ST8SIA6: variants seen among roughly 807,000 people sequenced by gnomAD.
ST8SIA6 encodes the protein alpha-2,8-sialyltransferase 8F.
In ST8SIA6, 39 loss-of-function variants were observed where a neutral mutation model predicts 33.6. The observed-to-expected ratio is 1.16, with a 90% CI of 0.90 to 1.52. The LOEUF (loss-of-function observed/expected upper bound fraction) is 1.52. Ranked by LOEUF, ST8SIA6 falls within the 40% of genes most tolerant of loss-of-function variation. The probability of loss-of-function intolerance (pLI) is 0.00; values close to 1 mark genes in which losing one functional copy is unlikely to be tolerated. For synonymous variants in ST8SIA6, 172 were observed against 167.2 expected (o/e 1.03, Z -0.22); for missense variants, 441 against 443.8 (o/e 0.99, Z 0.06).
intron 2 of ST8SIA6, among the ~76,000 whole-genome samples, chr10:17,435,512 T>C (rs1001678500): frequency 6.6e-6 from 1 of 152,264 alleles, no homozygotes; most frequent in East Asian, 1.9e-4. Context: ...AATAACATTG[T>C]GGTGAGAATT....
chr10:17,408,940 CT>C (rs112533742), intron 2 of ST8SIA6, among the ~76,000 whole-genome samples: 4,441 of 138,220 alleles, frequency 0.032, 58 homozygotes, highest in South Asian at 0.061. Flanking sequence ...TTCTTTCTTT[CT>C]TTTTTTTTTT....
intron 4 of ST8SIA6, among the ~76,000 whole-genome samples, chr10:17,343,725 GA>G (rs1284499794): frequency 6.6e-6 from 1 of 152,156 alleles, no homozygotes; most frequent in African/African-American, 2.4e-5. Context: ...TAGACAGATA[GA>G]AATGCAAACA....
At chr10:17,355,835 C>A (rs1256952263) in intron 4 of ST8SIA6, among the ~76,000 whole-genome samples, 1 of 152,160 alleles carries the variant, frequency 6.6e-6, no homozygotes, top group East Asian at 1.9e-4. Context: ...CTTTATCTTG[C>A]GTACCTAATA....
At chr10:17,435,711 T>A (rs866330621) in intron 2 of ST8SIA6, among the ~76,000 whole-genome samples, 2 of 35,446 alleles carry the variant, frequency 5.6e-5, no homozygotes, top group Non-Finnish European at 1.1e-4. Flanking sequence ...AAATGGGGGG[T>A]TGGGGGGGTG....
At position 17,315,601 on chromosome 10, in the gene ST8SIA6, A is replaced by C. The variant is rs1264144682; in HGVS notation, c.*5277T>G. Among the ~76,000 whole-genome samples the C allele has an allele frequency of 6.6e-6, 1 of 152,076 alleles. No individual in the cohort carries two copies. Among genetic ancestry groups the C allele is most frequent in the Non-Finnish European group, 1.5e-5 (1 of 67,916 alleles). On this transcript the variant is annotated 3_prime_UTR_variant, in exon 8 of 8. Coordinates refer to ENST00000377602, the MANE Select transcript of ST8SIA6 (RefSeq NM_001004470.3). ...AATGAGTTTTAATATTATTATGTCGAGCAAAAGTGCAAGACAAGAAATGAG... is the reference window on the plus strand; with the variant it reads ...AATGAGTTTTAATATTATTATGTCGCGCAAAAGTGCAAGACAAGAAATGAG...
intron 4 of ST8SIA6, among the ~76,000 whole-genome samples, chr10:17,351,844 A>C (rs1260688442): frequency 6.6e-6 from 1 of 152,200 alleles, no homozygotes; most frequent in African/African-American, 2.4e-5. Context: ...GTGGAATCTA[A>C]GAAAGTTGAA....
chr10:17,384,544 T>G (rs536044726), intron 3 of ST8SIA6, among the ~76,000 whole-genome samples: 1 of 152,326 alleles, frequency 6.6e-6, no homozygotes, highest in East Asian at 1.9e-4. Flanking sequence ...TAAATTCTAG[T>G]CTTGCCTAAT....
At chr10:17,446,143 G>A (rs1197605554) in intron 2 of ST8SIA6, among the ~76,000 whole-genome samples, 19 of 152,074 alleles carry the variant, frequency 1.2e-4, no homozygotes, top group Admixed American at 1.2e-3. Context: ...TCCCTGAGGT[G>A]GACAGCAGCA....
rs1165578414 is a variant in ST8SIA6 at position 17,333,672 on chromosome 10, G to GAT, written c.378-2122_378-2121dup. Among the ~76,000 whole-genome samples, 280 of 35,160 alleles carry GAT rather than the reference G, an allele frequency of 8.0e-3. 1 individual carries two copies. Among genetic ancestry groups the GAT allele is most frequent in the South Asian group, 0.013 (7 of 528 alleles). The allele number at this position is 35,160 out of a possible 152,430, so 23.1% of individuals were successfully genotyped here. On this transcript the variant is annotated intron_variant, in intron 4 of 7. Coordinates refer to ENST00000377602, the MANE Select transcript of ST8SIA6 (RefSeq NM_001004470.3). ...TTCCCTACTTAATAAATGGTGCTGG[G>GAT]ATATATATATATATATATATATATA... is the stretch of plus-strand genomic sequence containing the variant.
chr10:17,365,257 C>A (rs893807793), intron 3 of ST8SIA6, among the ~76,000 whole-genome samples: 1 of 152,092 alleles, frequency 6.6e-6, no homozygotes, highest in African/African-American at 2.4e-5. Context: ...TTTCTAGAAA[C>A]GTCTCTTTGA....
At chr10:17,344,979 A>G (rs1258601167) in intron 4 of ST8SIA6, among the ~76,000 whole-genome samples, 2 of 145,798 alleles carry the variant, frequency 1.4e-5, no homozygotes, top group Non-Finnish European at 3.0e-5. Flanking sequence ...TCTTACTACT[A>G]GGAATGTAAC....
At chr10:17,399,917 C>CAAAAAAA (rs61580333) in intron 2 of ST8SIA6, among the ~76,000 whole-genome samples, 1 of 111,082 alleles carries the variant, frequency 9.0e-6, no homozygotes. Flanking sequence ...GATTCTGTCT[C>CAAAAAAA]AAAAAAAAAA....
chr10:17,380,282 A>G (rs1032016683), intron 3 of ST8SIA6, among the ~76,000 whole-genome samples: 3 of 152,204 alleles, frequency 2.0e-5, no homozygotes, highest in Non-Finnish European at 4.4e-5. Context: ...TAAGTAAGAA[A>G]CTGGTTTGGG....
intron 3 of ST8SIA6, among the ~76,000 whole-genome samples, chr10:17,374,808 C>G (rs1007879246): frequency 1.4e-5 from 2 of 148,090 alleles, no homozygotes; most frequent in South Asian, 4.4e-4. Flanking sequence ...TTTATATCAG[C>G]AAACACAGCC....
At chr10:17,374,073 AC>A in intron 3 of ST8SIA6, among the ~76,000 whole-genome samples, 1 of 75,680 alleles carries the variant, frequency 1.3e-5, no homozygotes, top group Non-Finnish European at 2.5e-5. Context: ...AACAACCACC[AC>A]ACACACACAC....
At chr10:17,344,942 A>C (rs755590847) in intron 4 of ST8SIA6, among the ~76,000 whole-genome samples, 1 of 152,208 alleles carries the variant, frequency 6.6e-6, no homozygotes, top group Non-Finnish European at 1.5e-5. Flanking sequence ...ACATGAATGG[A>C]TAAACAAATC....
chr10:17,365,148 GAAT>G (rs1452243504), intron 3 of ST8SIA6, among the ~76,000 whole-genome samples: 1 of 151,940 alleles, frequency 6.6e-6, no homozygotes, highest in African/African-American at 2.4e-5. Context: ...ATGTTCAAAA[GAAT>G]AATGTCTATT....
At chr10:17,437,435 G>A (rs1852306292) in intron 2 of ST8SIA6, among the ~76,000 whole-genome samples, 1 of 152,148 alleles carries the variant, frequency 6.6e-6, no homozygotes. Flanking sequence ...GCCTCCCAAA[G>A]TGCTGGGATT....
intron 3 of ST8SIA6, among the ~76,000 whole-genome samples, chr10:17,390,258 C>T (rs111788204): frequency 1.3e-5 from 2 of 152,300 alleles, no homozygotes; most frequent in African/African-American, 4.8e-5. Context: ...ACTGGGATTA[C>T]AGCCATGAGC....
Sources: allele counts gnomAD v4.1 joint callset (sites outside exome capture counted in the v4.1 genomes callset), GRCh38; gene constraint gnomAD v4.1.1; transcripts MANE v1.5; gene names NCBI Gene and HGNC (gene_info 2026-07-23, HGNC 2026-07-21).